MACROD2: variants seen among roughly 807,000 people sequenced by gnomAD.
MACROD2 encodes ADP-ribose glycohydrolase MACROD2.
A neutral mutation model predicts 70.4 loss-of-function variants in MACROD2; 36 were observed. That is an observed-to-expected ratio of 0.51 (90% confidence interval 0.39 to 0.68). The LOEUF (loss-of-function observed/expected upper bound fraction) is 0.68, where lower values mean the gene tolerates loss of function less well. Ranked by LOEUF, MACROD2 falls within the 30% of genes least tolerant of loss-of-function variation. The probability of loss-of-function intolerance (pLI) is 0.00; values close to 1 mark genes in which losing one functional copy is unlikely to be tolerated. For missense variants in MACROD2, 496 were observed against 538.4 expected (o/e 0.92, Z 0.78); for synonymous variants, 172 against 178.8 (o/e 0.96, Z 0.30).
At chr20:15,751,473 G>A (rs565879903) in intron 8 of MACROD2, among the ~76,000 whole-genome samples, 6 of 152,066 alleles carry the variant, frequency 3.9e-5, no homozygotes, top group African/African-American at 1.4e-4. Context: ...GTTCATTGAA[G>A]GGTAACATAT....
In MACROD2 at chr20:14,505,192, G is replaced by A. The variant is rs1033713528; in HGVS notation, c.301+11684G>A. 3.3e-5 allele frequency among the ~76,000 whole-genome samples: 5 copies of A among 152,128 alleles called. No homozygotes were observed. In the East Asian group the frequency reaches 7.7e-4, roughly 23 times the overall value. On this transcript the variant is annotated intron_variant, in intron 4 of 17. Transcript: ENST00000684519. ...AGTTATACAAGAATATATCTTCATAGTCCTGGTACAGCTAGTCTTTCTAAT... is the reference window on the plus strand; with the variant it reads ...AGTTATACAAGAATATATCTTCATAATCCTGGTACAGCTAGTCTTTCTAAT...
intron 3 of MACROD2, among the ~76,000 whole-genome samples, chr20:14,235,705 C>T (rs374523238): frequency 1.3e-4 from 20 of 151,828 alleles, no homozygotes; most frequent in Admixed American, 9.8e-4. Context: ...ACTTTTTTCA[C>T]GATTCATTTA....
chr20:14,263,792 C>G lies in MACROD2; in HGVS notation c.271+178064C>G, dbSNP rs1425110593. Among the ~76,000 whole-genome samples the G allele has an allele frequency of 2.6e-5, 4 of 151,652 alleles. 1 individual carries two copies. The highest frequency in any genetic ancestry group is 2.6e-4 in the Admixed American group (4 of 15,196). On this transcript the variant is annotated intron_variant, in intron 3 of 17. Coordinates refer to ENST00000684519, the MANE Select transcript of MACROD2 (RefSeq NM_001351661.2). ...TCTGGGAAACATGGTGAAATCCCGA[C>G]TCCACACACACACACACACAACAAA...
chr20:15,575,505 G>A (rs1484827737), intron 8 of MACROD2, among the ~76,000 whole-genome samples: 1 of 152,150 alleles, frequency 6.6e-6, no homozygotes, highest in Non-Finnish European at 1.5e-5. Flanking sequence ...AGAGCCCTGG[G>A]CAGTGGAGGC....
chr20:14,415,155 T>G (rs2083790392), intron 3 of MACROD2, among the ~76,000 whole-genome samples: 2 of 152,188 alleles, frequency 1.3e-5, no homozygotes, highest in South Asian at 4.1e-4. Context: ...TTTTAAAACT[T>G]GTCAGCAGAA....
chr20:15,525,131 G>C (rs1353701600), intron 8 of MACROD2, among the ~76,000 whole-genome samples: 4 of 152,182 alleles, frequency 2.6e-5, no homozygotes, highest in Admixed American at 2.6e-4. Flanking sequence ...CTTACTGTTG[G>C]CTCATAAAGA....
chr20:14,202,629 C>T (rs995533166), intron 3 of MACROD2, among the ~76,000 whole-genome samples: 3 of 152,068 alleles, frequency 2.0e-5, no homozygotes, highest in Non-Finnish European at 4.4e-5. Context: ...CAGAAGTAAA[C>T]AAGAATATAA....
intron 5 of MACROD2, among the ~76,000 whole-genome samples, chr20:15,018,359 T>G (rs1469701528): frequency 6.6e-6 from 1 of 152,212 alleles, no homozygotes; most frequent in Non-Finnish European, 1.5e-5. Flanking sequence ...CACCTTAGCC[T>G]GAATTTTATT....
chr20:14,731,009 A>ACACACAC (rs1555822607), intron 5 of MACROD2, among the ~76,000 whole-genome samples: 1,859 of 106,776 alleles, frequency 0.017, 14 homozygotes, highest in South Asian at 0.032. Flanking sequence ...ACACACACAC[A>ACACACAC]TGCACACACA....
chr20:14,410,077 A>G (rs908549372), intron 3 of MACROD2, among the ~76,000 whole-genome samples: 14 of 152,168 alleles, frequency 9.2e-5, no homozygotes, highest in African/African-American at 2.9e-4. Context: ...GTTGAAACCC[A>G]GGAGATGTCC....
At chr20:15,171,385 CCTT>C (rs2076421156) in intron 5 of MACROD2, among the ~76,000 whole-genome samples, 1 of 151,030 alleles carries the variant, frequency 6.6e-6, no homozygotes, top group Non-Finnish European at 1.5e-5. Flanking sequence ...CCACCTTTCT[CCTT>C]GTGTCTCTCT....
chr20:15,701,251 C>T (rs1197391481), intron 8 of MACROD2, among the ~76,000 whole-genome samples: 2 of 152,146 alleles, frequency 1.3e-5, no homozygotes, highest in Admixed American at 6.5e-5. Context: ...CAATATTATC[C>T]GTGATTTTCC....
At chr20:15,276,375 G>A (rs1359053392) in intron 6 of MACROD2, among the ~76,000 whole-genome samples, 1 of 139,898 alleles carries the variant, frequency 7.1e-6, no homozygotes, top group Non-Finnish European at 1.5e-5. Context: ...ACTCTGGCCT[G>A]GGCGACAGAG....
At chr20:14,012,607 G>A (rs545608934) in intron 2 of MACROD2, among the ~76,000 whole-genome samples, 5 of 151,958 alleles carry the variant, frequency 3.3e-5, no homozygotes, top group South Asian at 2.1e-4. Context: ...TTCTTTTAAC[G>A]TCATGACTTT....
At chr20:14,856,179 A>G (rs540637507) in intron 5 of MACROD2, among the ~76,000 whole-genome samples, 2 of 152,272 alleles carry the variant, frequency 1.3e-5, no homozygotes, top group South Asian at 4.1e-4. Context: ...GCCTTTGATC[A>G]AATTTTATTT....
intron 3 of MACROD2, chr20:14,322,904 A>G (rs2082677940): frequency 6.6e-6 from 1 of 152,150 alleles, no homozygotes; most frequent in African/African-American, 2.4e-5. Flanking sequence ...AGGAAGGGTA[A>G]GTAGTTTGTT....
intron 15 of MACROD2, among the ~76,000 whole-genome samples, chr20:16,007,981 G>A (rs1054239462): frequency 1.3e-5 from 2 of 152,210 alleles, no homozygotes; most frequent in Non-Finnish European, 2.9e-5. Context: ...AAGCCTTGAT[G>A]ATTTCCTTCC....
intron 6 of MACROD2, among the ~76,000 whole-genome samples, chr20:15,234,327 C>T (rs897329719): frequency 5.3e-5 from 8 of 151,502 alleles, no homozygotes; most frequent in African/African-American, 1.5e-4. Context: ...CCACCGCGCC[C>T]GGCCTATATA....
intron 4 of MACROD2, among the ~76,000 whole-genome samples, chr20:14,601,673 C>T (rs528768878): frequency 1.3e-5 from 2 of 151,898 alleles, no homozygotes; most frequent in African/African-American, 2.4e-5. Flanking sequence ...GAGGAAGGGG[C>T]CCACAGTGGC....
Sources: allele counts gnomAD v4.1 joint callset (sites outside exome capture counted in the v4.1 genomes callset), GRCh38; gene constraint gnomAD v4.1.1; transcripts MANE v1.5; gene names NCBI Gene and HGNC (gene_info 2026-07-23, HGNC 2026-07-21).